PTPRB: variants seen among roughly 807,000 people sequenced by gnomAD.
The protein encoded by PTPRB is protein tyrosine phosphatase receptor type B.
Under a neutral mutation model 238.1 loss-of-function variants are expected in PTPRB, and 97 were observed. That is an observed-to-expected ratio of 0.41 (90% CI 0.35 to 0.48). The LOEUF is 0.48. Ranked by LOEUF, PTPRB falls within the 20% of genes least tolerant of loss-of-function variation. The pLI is 0.30. For synonymous variants in PTPRB, 970 were observed against 995.4 expected (o/e 0.97, Z 0.48); for missense variants, 2,292 against 2,681.9 (o/e 0.85, Z 3.21).
At chr12:70,571,685 T>A in intron 12 of PTPRB, 139 bp downstream of exon 12, 1 of 964,874 alleles carries the variant, frequency 1.0e-6, no homozygotes, top group Non-Finnish European at 1.5e-6. Context: ...ATGGCTTGGC[T>A]GAATGATGTT....
rs957309669 is a variant in PTPRB, at chr12:70,575,923, T to C, written c.2842+459A>G. 4.6e-5 allele frequency among the ~76,000 whole-genome samples: 7 copies of C among 152,278 alleles called. No individual in the cohort carries two copies. The South Asian group carries it at 1.5e-3, about 32-fold the overall frequency. ...AGACATTTCAGGATGGATTTTAGGA[T>C]GGAGAGCTTTGTAGGCACTGGAGTC... is the stretch of plus-strand genomic sequence containing the variant. On this transcript the variant is annotated intron_variant, in intron 11 of 33. Transcript: ENST00000334414.
intron 18 of PTPRB, among the ~76,000 whole-genome samples, chr12:70,557,995 G>C (rs1877953738): frequency 6.6e-6 from 1 of 152,184 alleles, no homozygotes; most frequent in African/African-American, 2.4e-5. Context: ...AAGATAGCAA[G>C]TGCATCTCTG....
chr12:70,516,606 T>G lies in PTPRB; in HGVS notation c.*4883A>C, dbSNP rs1871215275. On this transcript the variant is annotated 3_prime_UTR_variant, in exon 34 of 34. Transcript: ENST00000334414. ...AGGTGCTTATCTACGCACACAGCTA[T>G]TAGAACATCTCAGCATAACTGAACG... 1 of 152,230 alleles carries G rather than the reference T, an allele frequency of 6.6e-6. No homozygotes were observed. Among genetic ancestry groups the G allele is most frequent in the Non-Finnish European group, 1.5e-5 (1 of 68,032 alleles). The allele number at this position is 152,230 out of a possible 1,614,324, so 9.4% of individuals were successfully genotyped here. A position where few individuals can be genotyped will look rare whatever the true frequency, so the allele number is the denominator to read the frequency against.
intron 10 of PTPRB, among the ~76,000 whole-genome samples, chr12:70,578,469 T>C (rs1202425439): frequency 1.3e-5 from 2 of 152,162 alleles, no homozygotes; most frequent in Non-Finnish European, 2.9e-5. Flanking sequence ...GCACTCTTCA[T>C]ATGTTTGAGT....
chr12:70,607,994 T>C (rs953359589), intron 4 of PTPRB, among the ~76,000 whole-genome samples: 4 of 152,114 alleles, frequency 2.6e-5, no homozygotes, highest in African/African-American at 9.7e-5. Context: ...AAAAAAAAGA[T>C]AATATCTAGT....
At position 70,534,661 on chromosome 12, in the gene PTPRB, C is replaced by T. The variant is rs1873815365; in HGVS notation, c.6205-10G>A. On this transcript the variant is annotated splice_polypyrimidine_tract_variant and intron_variant, in intron 30 of 33. Transcript: ENST00000334414. ...CATCAAGCTGTTCCTCCTGTAAGAG[C>T]AGAGAGCAGGATAAAAGAGGAACTG... 1 of 1,610,634 alleles carries T rather than the reference C, an allele frequency of 6.2e-7. No homozygotes were observed. The highest frequency in any genetic ancestry group is 1.3e-5 in the African/African-American group (1 of 74,880).
Position 70,560,685 on chromosome 12 carries a change from G to A in PTPRB, c.4418C>T (p.Ala1473Val), listed in dbSNP as rs758049328. ...HSGDLSNKVT[A>V]ESRTAPSPPS... ...GGGCTTCTCACCTGTTCTGCTCTCC[G>A]CTGTGACTTTATTGCTGAGATCTCC... Residue 1473 changes from alanine (A) to valine (V), a missense_variant, in exon 17 of 34, where the codon GCG becomes GTG. Physicochemically the swap from Ala to Val is moderately conservative, Grantham distance 64. Transcript: ENST00000334414. The surrounding 1 kb of genome is among the most constrained non-coding windows in gnomAD (Gnocchi z 4.2). 6.5e-5 allele frequency: 105 copies of A among 1,612,116 alleles called. No homozygotes were observed. The highest frequency in any genetic ancestry group is 8.0e-5 in the Non-Finnish European group (94 of 1,179,354).
chr12:70,518,799 T>G lies in PTPRB; in HGVS notation c.*2690A>C, dbSNP rs1208592653. On this transcript the variant is annotated 3_prime_UTR_variant, in exon 34 of 34. Coordinates refer to ENST00000334414, the MANE Select transcript of PTPRB (RefSeq NM_001109754.4). ...ATAACGAACTTGGAAAAATAATTAT[T>G]AAGATGCTAGATGGGACTCTCCCAA... The G allele has an allele frequency of 1.3e-5, 2 of 152,132 alleles. No individual in the cohort carries two copies. Among genetic ancestry groups the G allele is most frequent in the Non-Finnish European group, 1.5e-5 (1 of 68,014 alleles). 9.4% of individuals were successfully genotyped at this position (152,132 alleles called of 1,614,324 possible).
At chr12:70,535,511 C>T (rs1420321943) in intron 29 of PTPRB, among the ~76,000 whole-genome samples, 2 of 152,162 alleles carry the variant, frequency 1.3e-5, no homozygotes, top group African/African-American at 4.8e-5. Context: ...AGCGCAGATA[C>T]TAGGCACTTT....
intron 11 of PTPRB, among the ~76,000 whole-genome samples, chr12:70,575,581 G>T (rs1373724640): frequency 6.6e-6 from 1 of 152,076 alleles, no homozygotes; most frequent in African/African-American, 2.4e-5. Context: ...CAGGTCCTGC[G>T]CTAGGTAACA....
chr12:70,559,256 T>A (rs1878138426), intron 18 of PTPRB, 87 bp downstream of exon 18: 1 of 1,392,248 alleles, frequency 7.2e-7, no homozygotes, highest in South Asian at 1.2e-5. Flanking sequence ...AAAATATGGA[T>A]TTAATCCAAG....
At chr12:70,587,362 T>C in intron 8 of PTPRB, 95 bp from the exon 9 acceptor site, 1 of 1,366,858 alleles carries the variant, frequency 7.3e-7, no homozygotes, top group Admixed American at 2.6e-5. Context: ...CTTAAGCGTG[T>C]TTCAGTTCAA....
intron 14 of PTPRB, among the ~76,000 whole-genome samples, chr12:70,568,732 TGAGAATGG>T (rs1180976785): frequency 6.6e-6 from 1 of 152,190 alleles, no homozygotes; most frequent in Non-Finnish European, 1.5e-5. Flanking sequence ...TAAGTGGTCA[TGAGAATGG>T]GAGACATCTA....
At chr12:70,593,188 T>C (rs1882660120) in intron 6 of PTPRB, among the ~76,000 whole-genome samples, 1 of 152,108 alleles carries the variant, frequency 6.6e-6, no homozygotes, top group African/African-American at 2.4e-5. Context: ...GTGAATACTC[T>C]TTCTAGAATA....
At chr12:70,535,230 T>G (rs1165206968) in intron 29 of PTPRB, among the ~76,000 whole-genome samples, 1 of 146,376 alleles carries the variant, frequency 6.8e-6, no homozygotes, top group South Asian at 2.2e-4. Flanking sequence ...TTGAGTTTTT[T>G]TTTTTTTTTT....
At position 70,539,845 on chromosome 12, in the gene PTPRB, C is replaced by A; in HGVS notation, c.5679-1G>T. On this transcript the variant is annotated splice_acceptor_variant, in intron 24 of 33. Coordinates refer to ENST00000334414, the MANE Select transcript of PTPRB (RefSeq NM_001109754.4). LOFTEE classifies it high-confidence loss of function. ...CTCTTACCAAGAAGTTTTCCGGTTA[C>A]TGTGAAGAGAAGCCAAAAGAGGAAG... is the stretch of plus-strand genomic sequence containing the variant. 6.3e-7 allele frequency: 1 copy of A among 1,584,944 alleles called. No individual in the cohort carries two copies. The highest frequency in any genetic ancestry group is 8.7e-7 in the Non-Finnish European group (1 of 1,153,442).
Position 70,609,104 on chromosome 12 carries a change from G to T in PTPRB, c.944C>A (p.Ser315Tyr). Residue 315 changes from serine to tyrosine, a missense_variant, in exon 4 of 34, where the codon TCT (serine) becomes TAT (tyrosine). Physicochemically the swap from Ser to Tyr is moderately radical, Grantham distance 144. Around this residue, in one of 4 missense-constraint regions of PTPRB, gnomAD observed 1,205 missense variants for 1,287.8 expected, o/e 0.94. Transcript: ENST00000334414. ...AGTIYNFRII[S>Y]LDEERTVVLQ... is the part of the protein sequence containing the mutation. ...GACCACTGTTCTCTCTTCATCCAGAGAAATAATCCTGAAGTTATAGATGGT... is the reference window on the plus strand; with the variant it reads ...GACCACTGTTCTCTCTTCATCCAGATAAATAATCCTGAAGTTATAGATGGT... 6.2e-7 allele frequency: 1 copy of T among 1,613,998 alleles called. No individual in the cohort carries two copies. The highest frequency in any genetic ancestry group is 1.1e-5 in the South Asian group (1 of 91,082).
intron 4 of PTPRB, among the ~76,000 whole-genome samples, chr12:70,606,743 C>T (rs1883980435): frequency 6.6e-6 from 1 of 152,138 alleles, no homozygotes; most frequent in Non-Finnish European, 1.5e-5. Flanking sequence ...ACTAAGTGAA[C>T]AATTCACATA....
chr12:70,588,019 G>T (rs989903202), intron 8 of PTPRB, among the ~76,000 whole-genome samples: 16 of 150,444 alleles, frequency 1.1e-4, no homozygotes, highest in Non-Finnish European at 1.5e-4. Flanking sequence ...TTGCTTAAGT[G>T]GGGGAGGTGG....
Sources: allele counts gnomAD v4.1 joint callset (sites outside exome capture counted in the v4.1 genomes callset), GRCh38; gene constraint gnomAD v4.1.1; regional missense constraint gnomAD v4.1.1; non-coding constraint Gnocchi (gnomAD v3.1); transcripts MANE v1.5; gene names NCBI Gene and HGNC (gene_info 2026-07-23, HGNC 2026-07-21).